The following GON4L variants were observed in gnomAD, a reference collection of about 807,000 sequenced individuals.
The protein encoded by GON4L is gon-4 like.
A neutral mutation model predicts 211.8 loss-of-function variants in GON4L; 87 were observed. The ratio of observed to expected loss-of-function variants is 0.41; its 90% confidence interval spans 0.35 to 0.49. GON4L has a LOEUF of 0.49. GON4L is among the 20% of genes least tolerant of loss of function. The pLI, the probability that GON4L is intolerant of heterozygous loss-of-function variation, is 0.15. For missense variants in GON4L, 2,155 were observed against 2,659.5 expected, an observed-to-expected ratio of 0.81 and a Z score of 4.17; for synonymous variants, 875 against 962.6, an observed-to-expected ratio of 0.91 and a Z score of 1.68.
At chr1:155,845,852 G>A (rs1334711008) in intron 2 of GON4L, 5 of 251,690 alleles carry the variant, frequency 2.0e-5, no homozygotes, top group Middle Eastern at 1.5e-3. Flanking sequence ...CAGTGAAACT[G>A]CAGCAGAGGA....
rs1660423978 is a variant in GON4L at position 155,750,048 on chromosome 1, G to A, written c.*536C>T. Reference sequence around the variant, plus strand: ...GCGCTGGGCCAGCTTCATGGATGCTGGAGTGGAGCACGATGACGTAGCAGA... The same window carrying A: ...GCGCTGGGCCAGCTTCATGGATGCTAGAGTGGAGCACGATGACGTAGCAGA... On this transcript the variant is annotated 3_prime_UTR_variant, in exon 32 of 32. Transcript: ENST00000368331. 1 of 1,158,062 alleles carries A rather than the reference G, an allele frequency of 8.6e-7. No individual in the cohort carries two copies. Among genetic ancestry groups the A allele is most frequent in the Non-Finnish European group, 1.2e-6 (1 of 809,358 alleles). 71.7% of individuals were successfully genotyped at this position (1,158,062 alleles called of 1,614,324 possible). A position where few individuals can be genotyped will look rare whatever the true frequency, so the allele number is the denominator to read the frequency against.
intron 16 of GON4L, among the ~76,000 whole-genome samples, chr1:155,775,386 G>A (rs1352084207): frequency 6.6e-6 from 1 of 151,940 alleles, no homozygotes; most frequent in Non-Finnish European, 1.5e-5. Context: ...TTTAGACTTA[G>A]TGAGAAACAC....
intron 6 of GON4L, among the ~76,000 whole-genome samples, chr1:155,819,706 T>C (rs1457024992): frequency 6.6e-6 from 1 of 152,184 alleles, no homozygotes; most frequent in Non-Finnish European, 1.5e-5. Context: ...AAGCACAAAC[T>C]AGTCAAGTGC....
At chr1:155,822,666 G>T (rs1304714915) in intron 3 of GON4L, among the ~76,000 whole-genome samples, 190 bp from the exon 4 acceptor site, 2 of 152,188 alleles carry the variant, frequency 1.3e-5, no homozygotes, top group Non-Finnish European at 2.9e-5. Context: ...CAAAACTATG[G>T]AAATAGAAAT....
intron 12 of GON4L, among the ~76,000 whole-genome samples, chr1:155,788,158 A>AT (rs1288206382): frequency 1.3e-5 from 2 of 151,854 alleles, no homozygotes; most frequent in African/African-American, 4.8e-5. Context: ...CGCCTGGCTA[A>AT]TTTTTTGTAG....
rs763446412 is a variant in GON4L at position 155,764,975 on chromosome 1, C to CTTGAGAATA, written c.4473+16_4473+24dup. On this transcript the variant is annotated intron_variant, in intron 21 of 31. Coordinates refer to ENST00000368331, the MANE Select transcript of GON4L (RefSeq NM_001282860.2). The stretch of plus-strand genomic sequence containing the variant: ...TACATATTACTGAGTCCACGAAATA[C>CTTGAGAATA]TTGAGAATATTCTCCAGCTCTCACC... The CTTGAGAATA allele has an allele frequency of 1.3e-5, 21 of 1,613,968 alleles. 1 individual carries two copies. The South Asian group carries it at 2.3e-4, about 18-fold the overall frequency.
At chr1:155,754,192 TAAAA>T (rs1571613767) in intron 28 of GON4L, 179 bp downstream of exon 28, 4 of 657,862 alleles carry the variant, frequency 6.1e-6, no homozygotes, top group Non-Finnish European at 1.1e-5. Context: ...GAATTCTCTT[TAAAA>T]AACAAAATCT....
At chr1:155,832,847 C>A (rs1669926536) in intron 2 of GON4L, 1 of 151,272 alleles carries the variant, frequency 6.6e-6, no homozygotes, top group South Asian at 2.1e-4. Flanking sequence ...AGCAGGGCTA[C>A]GGGTGATTTT....
downstream of GON4L, chr1:155,748,890 C>G: frequency 9.0e-7 from 1 of 1,116,610 alleles, no homozygotes; most frequent in Non-Finnish European, 1.3e-6. Context: ...CCTCCCCACC[C>G]CTTAAAAAGG....
intron 4 of GON4L, 87 bp downstream of exon 4, chr1:155,822,199 C>T (rs1320880307): frequency 9.2e-7 from 1 of 1,087,400 alleles, no homozygotes; most frequent in East Asian, 2.3e-5. Flanking sequence ...ATTCACGTAT[C>T]AAGAGTCAAG....
At chr1:155,810,977 C>T (rs957023208) in intron 10 of GON4L, among the ~76,000 whole-genome samples, 8 of 151,884 alleles carry the variant, frequency 5.3e-5, no homozygotes, top group South Asian at 2.1e-4. Context: ...TGAGATCACA[C>T]CACCGAACTC....
rs762323003 is a variant in GON4L, at chr1:155,821,546, T to C, written c.891A>G (p.Glu297=). ...CTACCACGTGTTCATTTGTGATTAC[T>C]TCCTGGAGAAAGATGAAATTTCACT... The part of the protein sequence containing the change: ...TAVNVRNILH[E]VITNEHVVAM... The change falls in exon 5 of 32, where the codon GAA becomes GAG. Residue 297 remains glutamate, a splice_region_variant and synonymous_variant. Coordinates refer to ENST00000368331, the MANE Select transcript of GON4L (RefSeq NM_001282860.2). 3.1e-6 allele frequency: 5 copies of C among 1,591,608 alleles called. No homozygotes were observed. The Middle Eastern group carries it at 6.7e-4, about 212-fold the overall frequency.
At position 155,813,735 on chromosome 1, in the gene GON4L, G is replaced by C; in HGVS notation, c.1351C>G (p.Pro451Ala). ...AEVVPMGPPPPPKPKQTRDST... is the reference protein window; with the variant it reads ...AEVVPMGPPPAPKPKQTRDST... ...TCTCTGGTCTGTTTCGGCTTTGGAG[G>C]GGGCGGGGGCCCCATGGGCACTACC... Residue 451 changes from proline (P) to alanine (A), a missense_variant, in exon 10 of 32, where the codon CCT (proline) becomes GCT (alanine). Pro to Ala is a conservative substitution (Grantham distance 27). Around this residue, in one of 6 missense-constraint regions of GON4L, gnomAD observed 551 missense variants for 854.0 expected, o/e 0.65. Coordinates refer to ENST00000368331, the MANE Select transcript of GON4L (RefSeq NM_001282860.2). 10 of 1,613,746 alleles carry C rather than the reference G, an allele frequency of 6.2e-6. No individual in the cohort carries two copies. Among genetic ancestry groups the C allele is most frequent in the Non-Finnish European group, 8.5e-6 (10 of 1,179,636 alleles).
intron 14 of GON4L, among the ~76,000 whole-genome samples, chr1:155,778,139 G>T (rs929592175): frequency 6.6e-5 from 10 of 152,266 alleles, no homozygotes; most frequent in African/African-American, 2.2e-4. Flanking sequence ...CAAGGAGCTG[G>T]TGGGAACTCA....
intron 12 of GON4L, among the ~76,000 whole-genome samples, chr1:155,791,079 T>C (rs1481757868): frequency 6.6e-6 from 1 of 151,260 alleles, no homozygotes; most frequent in African/African-American, 2.4e-5. Context: ...CTGGCCAACA[T>C]GGTGAAACCT....
chr1:155,826,306 T>A (rs1669211509), intron 3 of GON4L, among the ~76,000 whole-genome samples: 1 of 152,062 alleles, frequency 6.6e-6, no homozygotes, highest in Non-Finnish European at 1.5e-5. Context: ...GGCTCACACC[T>A]GTAATCCCAG....
In GON4L at chr1:155,807,576, C is replaced by T. The variant is rs560258932; in HGVS notation, c.1453-2435G>A. Among the ~76,000 whole-genome samples, 60 of 151,262 alleles carry T rather than the reference C, an allele frequency of 4.0e-4. 1 individual carries two copies. In the East Asian group the frequency reaches 9.5e-3, roughly 24 times the overall value. On this transcript the variant is annotated intron_variant, in intron 10 of 31. Coordinates refer to ENST00000368331, the MANE Select transcript of GON4L (RefSeq NM_001282860.2). Reference sequence around the variant, plus strand: ...AAAATTAGCTGGGCATGGTGGCAGGCGCCTGTAGTCCCAGCTACTCAGGAG... The same window carrying T: ...AAAATTAGCTGGGCATGGTGGCAGGTGCCTGTAGTCCCAGCTACTCAGGAG...
chr1:155,751,496 C>A (rs142497447), intron 31 of GON4L, among the ~76,000 whole-genome samples: 3,762 of 152,246 alleles, frequency 0.025, 90 homozygotes, highest in Non-Finnish European at 0.038. Flanking sequence ...TTGTAGTGAG[C>A]TGAGATTGTG....
At chr1:155,820,729 C>CCTAG (rs1668653724) in intron 5 of GON4L, 73 bp from the exon 6 acceptor site, 1 of 1,149,532 alleles carries the variant, frequency 8.7e-7, no homozygotes, top group South Asian at 1.2e-5. Context: ...TGCCTATAAT[C>CCTAG]CTAGCACTTT....
Sources: allele counts gnomAD v4.1 joint callset (sites outside exome capture counted in the v4.1 genomes callset), GRCh38; gene constraint gnomAD v4.1.1; regional missense constraint gnomAD v4.1.1; transcripts MANE v1.5; gene names NCBI Gene and HGNC (gene_info 2026-07-23, HGNC 2026-07-21).